The following NUP54 variants were observed in gnomAD, a reference collection of about 807,000 sequenced individuals.
NUP54 encodes nucleoporin 54, also known as nucleoporin p54.
Under a neutral mutation model 66.4 loss-of-function variants are expected in NUP54, and 27 were observed. That is an observed-to-expected ratio of 0.41 (90% CI 0.30 to 0.56). The LOEUF (loss-of-function observed/expected upper bound fraction) is 0.56. NUP54 is among the 20% of genes least tolerant of loss of function. The probability of loss-of-function intolerance (pLI) is 0.34; values close to 1 mark genes in which losing one functional copy is unlikely to be tolerated. For synonymous variants in NUP54, 206 were observed against 210.7 expected, an observed-to-expected ratio of 0.98 and a Z score of 0.19; for missense variants, 486 against 596.3, an observed-to-expected ratio of 0.82 and a Z score of 1.93.
intron 8 of NUP54, among the ~76,000 whole-genome samples, chr4:76,125,754 AGAG>A (rs1730488748): frequency 6.3e-5 from 1 of 15,926 alleles, no homozygotes; most frequent in Non-Finnish European, 1.0e-4. Flanking sequence ...AGAGAGGGGG[AGAG>A]GGGGAGAGGG....
chr4:76,126,570 T>C (rs959109284), intron 8 of NUP54, among the ~76,000 whole-genome samples: 2 of 151,800 alleles, frequency 1.3e-5, no homozygotes, highest in Admixed American at 1.3e-4. Context: ...CATTATTTTC[T>C]ACCAGTAATA....
rs1730037744 is a variant in NUP54 at position 76,118,149 on chromosome 4, G to C, written c.1210C>G (p.Gln404Glu). 1.2e-6 allele frequency: 2 copies of C among 1,613,458 alleles called. No homozygotes were observed. Among genetic ancestry groups the C allele is most frequent in the South Asian group, 1.1e-5 (1 of 91,070 alleles). Residue 404 changes from glutamine to glutamate, a missense_variant, in exon 10 of 12, where the codon CAG becomes GAG. Transcript: ENST00000264883. The stretch of plus-strand genomic sequence containing the variant: ...ACTCGCAACTGCTCTTCATCAGCCT[G>C]AATGGCATAACCACTCTTCCTTTGA... ...EIQRKSGYAI[Q>E]ADEEQLRVQL...
intron 1 of NUP54, chr4:76,147,975 G>C (rs952259351): frequency 3.0e-6 from 1 of 336,074 alleles, no homozygotes; most frequent in Non-Finnish European, 5.5e-6. Flanking sequence ...CTGAGGTGCA[G>C]AGGGGAGGGA....
intron 1 of NUP54, among the ~76,000 whole-genome samples, chr4:76,145,004 T>C (rs759181055): frequency 7.2e-5 from 11 of 152,168 alleles, no homozygotes; most frequent in Non-Finnish European, 1.5e-4. Flanking sequence ...AAACAGGAAA[T>C]CTGGATTTTC....
intron 9 of NUP54, among the ~76,000 whole-genome samples, chr4:76,119,869 CT>C (rs1283466049): frequency 1.3e-5 from 2 of 151,770 alleles, no homozygotes; most frequent in Non-Finnish European, 2.9e-5. Context: ...CATAGACCGA[CT>C]GCTTTTTACT....
rs1730596985 is a variant in NUP54, at chr4:76,127,523, T to A, written c.1057-2767A>T. On this transcript the variant is annotated intron_variant, in intron 8 of 11. Coordinates refer to ENST00000264883, the MANE Select transcript of NUP54 (RefSeq NM_017426.4). ...ATACTTTATATAAAGGTAAACTTCA[T>A]GATGACAACAAAAGACTCAAACGTG... Among the ~76,000 whole-genome samples, 3 of 150,658 alleles carry A rather than the reference T, an allele frequency of 2.0e-5. No individual in the cohort carries two copies. In the South Asian group the frequency reaches 6.3e-4, roughly 31 times the overall value.
At chr4:76,144,640 T>C (rs1365334731) in intron 1 of NUP54, among the ~76,000 whole-genome samples, 167 bp from the exon 2 acceptor site, 1 of 152,166 alleles carries the variant, frequency 6.6e-6, no homozygotes, top group African/African-American at 2.4e-5. Context: ...ATACTACCAA[T>C]CAAGAAGTCA....
chr4:76,134,915 GA>G (rs1730968747), intron 4 of NUP54, among the ~76,000 whole-genome samples: 1 of 152,022 alleles, frequency 6.6e-6, no homozygotes, highest in South Asian at 2.1e-4. Flanking sequence ...TAAGTGTTCT[GA>G]GCATGTTTAA....
chr4:76,146,831 T>TACCC (rs1256390108), intron 1 of NUP54, among the ~76,000 whole-genome samples: 50 of 152,328 alleles, frequency 3.3e-4, no homozygotes, highest in Non-Finnish European at 3.1e-4. Context: ...TGCAAAGACG[T>TACCC]CTAGCTTACC....
chr4:76,121,446 G>A (rs1043938510), intron 9 of NUP54, among the ~76,000 whole-genome samples: 1 of 152,120 alleles, frequency 6.6e-6, no homozygotes, highest in Non-Finnish European at 1.5e-5. Flanking sequence ...TAAACTTAAA[G>A]AAATTTTAAT....
chr4:76,115,456 A>T lies in NUP54; in HGVS notation c.1434T>A (p.Ile478=). Residue 478 remains isoleucine, a synonymous_variant, in exon 12 of 12, where the codon ATT becomes ATA. Transcript: ENST00000264883. ...KQQQEGLSHL[I]SIIKDDLEDI... is the part of the protein sequence containing the mutation. ...CTTCTAGATCGTCTTTAATGATGCTAATCAAATGGCTAAGGCCTTCCTGTT... is the reference window on the plus strand; with the variant it reads ...CTTCTAGATCGTCTTTAATGATGCTTATCAAATGGCTAAGGCCTTCCTGTT... 1 of 1,611,112 alleles carries T rather than the reference A, an allele frequency of 6.2e-7. No individual in the cohort carries two copies. The highest frequency in any genetic ancestry group is 8.5e-7 in the Non-Finnish European group (1 of 1,178,690).
At chr4:76,118,279 A>T in intron 9 of NUP54, 85 bp from the exon 10 acceptor site, 1 of 1,247,986 alleles carries the variant, frequency 8.0e-7, no homozygotes, top group Non-Finnish European at 1.1e-6. Flanking sequence ...TTACTGAAAG[A>T]AATCAGCTGA....
At position 76,115,380 on chromosome 4, in the gene NUP54, C is replaced by T; in HGVS notation, c.1510G>A (p.Gly504Ser). The T allele has an allele frequency of 1.3e-6, 2 of 1,595,338 alleles. No homozygotes were observed. The highest frequency in any genetic ancestry group is 1.7e-6 in the Non-Finnish European group (2 of 1,173,154). ...TTTGTGAACTGTCAACTAAAGACAC[C>T]ACCTCTGATGTGGATGGTTTCATTC... ...GLNETIHIRG[G>S]VFS is the part of the protein sequence containing the mutation. The change falls in exon 12 of 12, where the codon GGT becomes AGT. Residue 504 changes from glycine to serine, a missense_variant. Physicochemically the swap from Gly to Ser is moderately conservative, Grantham distance 56. Transcript: ENST00000264883.
At chr4:76,148,213 G>A in intron 1 of NUP54, 95 bp downstream of exon 1, 1 of 949,434 alleles carries the variant, frequency 1.1e-6, no homozygotes, top group Non-Finnish European at 1.4e-6. Flanking sequence ...GTCGGCGGGA[G>A]ATTCCAGGAT....
chr4:76,147,141 G>A (rs1731535528), intron 1 of NUP54, among the ~76,000 whole-genome samples: 1 of 152,182 alleles, frequency 6.6e-6, no homozygotes, highest in Admixed American at 6.5e-5. Flanking sequence ...GACTGCAGGA[G>A]TCCAAGAATC....
chr4:76,132,593 T>C lies in NUP54; in HGVS notation c.837A>G (p.Val279=). 1 of 1,614,148 alleles carries C rather than the reference T, an allele frequency of 6.2e-7. No homozygotes were observed. The highest frequency in any genetic ancestry group is 8.5e-7 in the Non-Finnish European group (1 of 1,180,010). ...GTTCTGTTCTAGTCATAGAAAGGGT[T>C]ACACCAAGTTGCTGCAATTGTGTTT... ...NIKTQLQQLG[V]TLSMTRTELS... Residue 279 remains valine, a synonymous_variant, in exon 6 of 12, where the codon GTA becomes GTG. Transcript: ENST00000264883.
At chr4:76,118,029 A>C in intron 10 of NUP54, 46 bp downstream of exon 10, 1 of 1,593,758 alleles carries the variant, frequency 6.3e-7, no homozygotes, top group Non-Finnish European at 8.6e-7. Flanking sequence ...TTGTCTGCAG[A>C]TCCACCTGAA....
chr4:76,147,000 C>T (rs1731530155), intron 1 of NUP54, among the ~76,000 whole-genome samples: 1 of 152,148 alleles, frequency 6.6e-6, no homozygotes, highest in African/African-American at 2.4e-5. Context: ...CAAAGAAATA[C>T]ATTATTATCA....
chr4:76,139,613 T>C (rs1731179302), intron 3 of NUP54, among the ~76,000 whole-genome samples: 1 of 152,066 alleles, frequency 6.6e-6, no homozygotes, highest in East Asian at 1.9e-4. Context: ...ACAAACCAAA[T>C]AAGAAAACGC....
Sources: allele counts gnomAD v4.1 joint callset (sites outside exome capture counted in the v4.1 genomes callset), GRCh38; gene constraint gnomAD v4.1.1; transcripts MANE v1.5; gene names NCBI Gene and HGNC (gene_info 2026-07-23, HGNC 2026-07-21).